The following DCC variants were observed in gnomAD, a reference collection of about 807,000 sequenced individuals.
The protein encoded by DCC is DCC netrin 1 receptor, also known as netrin receptor DCC.
In DCC, 58 loss-of-function variants were observed where a neutral mutation model predicts 172.5. That is an observed-to-expected ratio of 0.34 (90% CI 0.27 to 0.42). The LOEUF is 0.42. Among genes scored for constraint, DCC ranks in the 10% least tolerant of loss-of-function variants. The pLI, the probability that DCC is intolerant of heterozygous loss-of-function variation, is 1.00. For synonymous variants in DCC, 709 were observed against 644.5 expected (o/e 1.10, Z -1.52); for missense variants, 1,740 against 1,791.0 (o/e 0.97, Z 0.51).
intron 2 of DCC, among the ~76,000 whole-genome samples, chr18:52,812,765 T>C (rs1194736893): frequency 6.6e-6 from 1 of 152,238 alleles, no homozygotes; most frequent in Non-Finnish European, 1.5e-5. Flanking sequence ...CATTATGTAC[T>C]TGCTGCTCAT....
chr18:53,356,612 C>A (rs1394883643), intron 15 of DCC, among the ~76,000 whole-genome samples: 1 of 152,124 alleles, frequency 6.6e-6, no homozygotes, highest in Non-Finnish European at 1.5e-5. Context: ...GGATGGAGTC[C>A]TGACTCAGCA....
intron 11 of DCC, among the ~76,000 whole-genome samples, chr18:53,210,802 T>C (rs1004995874): frequency 1.3e-5 from 2 of 152,116 alleles, no homozygotes; most frequent in African/African-American, 4.8e-5. Flanking sequence ...TACTTTATGT[T>C]TTTTTTTCCC....
At chr18:53,357,724 G>A (rs1236689311) in intron 15 of DCC, among the ~76,000 whole-genome samples, 1 of 152,168 alleles carries the variant, frequency 6.6e-6, no homozygotes, top group Non-Finnish European at 1.5e-5. Context: ...AAATTAGAAA[G>A]GAGGGTAGAT....
chr18:52,550,464 C>T (rs1489663917), intron 1 of DCC, among the ~76,000 whole-genome samples: 1 of 152,036 alleles, frequency 6.6e-6, no homozygotes, highest in Non-Finnish European at 1.5e-5. Context: ...TCTCACTTGG[C>T]ATTCTTTGTT....
intron 2 of DCC, among the ~76,000 whole-genome samples, chr18:52,898,081 C>G (rs746053049): frequency 1.3e-5 from 2 of 152,192 alleles, no homozygotes; most frequent in East Asian, 1.9e-4. Context: ...AGGGATGTAA[C>G]CTTCAGGCTT....
intron 2 of DCC, among the ~76,000 whole-genome samples, chr18:52,801,893 G>A (rs1401719410): frequency 1.3e-5 from 2 of 152,138 alleles, no homozygotes; most frequent in East Asian, 1.9e-4. Flanking sequence ...CTATGTGCTT[G>A]TCTGTTCAAA....
chr18:53,287,987 CA>C (rs1373611848), intron 12 of DCC, among the ~76,000 whole-genome samples: 1 of 152,050 alleles, frequency 6.6e-6, no homozygotes, highest in African/African-American at 2.4e-5. Flanking sequence ...AGCATGTACG[CA>C]ATCCTAATAT....
rs781658253 is a variant in DCC at position 52,925,276 on chromosome 18, C to T, written c.891C>T (p.Ile297=). Residue 297 remains isoleucine (I), a synonymous_variant, in exon 5 of 29, where the codon ATC becomes ATT. Coordinates refer to ENST00000442544, the MANE Select transcript of DCC (RefSeq NM_005215.4). ...YSLLGGSNLL[I]SNVTDDDSGM... ...TATTGGGTGGAAGCAACTTGCTTAT[C>T]TCCAATGTGACAGATGATGACAGTG... is the stretch of plus-strand genomic sequence containing the variant. 8.7e-6 allele frequency: 14 copies of T among 1,612,368 alleles called. No individual in the cohort carries two copies. The highest frequency in any genetic ancestry group is 1.2e-5 in the Non-Finnish European group (14 of 1,178,784).
intron 15 of DCC, among the ~76,000 whole-genome samples, chr18:53,353,378 A>G (rs1241698213): frequency 6.6e-6 from 1 of 151,358 alleles, no homozygotes; most frequent in East Asian, 1.9e-4. Context: ...AGAAAATGCT[A>G]AAGCTATTTC....
rs190220157 is a variant in DCC, at chr18:52,926,243, G to T, written c.985+873G>T. ...ATCATATGCTGATTATATTTGCTAAGTTATACCATGATATTATTCCATCCA... is the reference window on the plus strand; with the variant it reads ...ATCATATGCTGATTATATTTGCTAATTTATACCATGATATTATTCCATCCA... On this transcript the variant is annotated intron_variant, in intron 5 of 28. Coordinates refer to ENST00000442544, the MANE Select transcript of DCC (RefSeq NM_005215.4). 9.2e-5 allele frequency among the ~76,000 whole-genome samples: 14 copies of T among 152,006 alleles called. No individual in the cohort carries two copies. The East Asian group carries it at 2.7e-3, about 29-fold the overall frequency.
intron 1 of DCC, among the ~76,000 whole-genome samples, chr18:52,735,157 T>A (rs1361889746): frequency 6.6e-6 from 1 of 152,082 alleles, no homozygotes; most frequent in Non-Finnish European, 1.5e-5. Context: ...ACACTCAGGG[T>A]CTTCTGATTT....
At chr18:53,106,845 A>T (rs2043255756) in intron 7 of DCC, among the ~76,000 whole-genome samples, 1 of 151,996 alleles carries the variant, frequency 6.6e-6, no homozygotes, top group Non-Finnish European at 1.5e-5. Flanking sequence ...GCAAAAAATC[A>T]TGGGGTAGAT....
At chr18:52,738,284 G>A (rs2036759275) in intron 1 of DCC, among the ~76,000 whole-genome samples, 1 of 152,122 alleles carries the variant, frequency 6.6e-6, no homozygotes, top group Admixed American at 6.5e-5. Flanking sequence ...TTGTCATTGT[G>A]CAAACATCAT....
At position 53,267,686 on chromosome 18, in the gene DCC, G is replaced by A. The variant is rs773015183; in HGVS notation, c.1912-37892G>A. Among the ~76,000 whole-genome samples the A allele has an allele frequency of 1.1e-4, 16 of 151,980 alleles. 1 individual carries two copies. Among genetic ancestry groups the A allele is most frequent in the South Asian group, 8.3e-4 (4 of 4,808 alleles). On this transcript the variant is annotated intron_variant, in intron 12 of 28. Coordinates refer to ENST00000442544, the MANE Select transcript of DCC (RefSeq NM_005215.4). Reference sequence around the variant, plus strand: ...ACACCATCATGCCCAGGCTAGCCTCGAACTTCTGGGCTCAAGCAATCCTCC... The same window carrying A: ...ACACCATCATGCCCAGGCTAGCCTCAAACTTCTGGGCTCAAGCAATCCTCC...
At chr18:52,543,150 T>C (rs1568220814) in intron 1 of DCC, among the ~76,000 whole-genome samples, 2 of 152,142 alleles carry the variant, frequency 1.3e-5, no homozygotes, top group South Asian at 2.1e-4. Context: ...TGCTGCCAAA[T>C]AGAAAATAAG....
intron 13 of DCC, among the ~76,000 whole-genome samples, chr18:53,308,260 T>C (rs2057226065): frequency 6.6e-6 from 1 of 151,956 alleles, no homozygotes; most frequent in African/African-American, 2.4e-5. Context: ...AAATTATGAT[T>C]ATTTAAAACA....
intron 1 of DCC, among the ~76,000 whole-genome samples, chr18:52,476,675 G>T (rs1364426776): frequency 6.6e-6 from 1 of 152,132 alleles, no homozygotes; most frequent in Non-Finnish European, 1.5e-5. Context: ...GTTCTAAGGA[G>T]CTGTGTATGA....
chr18:53,091,408 A>G (rs1055256638), intron 7 of DCC, among the ~76,000 whole-genome samples: 1 of 148,806 alleles, frequency 6.7e-6, no homozygotes, highest in Non-Finnish European at 1.5e-5. Context: ...ATATATATGT[A>G]TATATACACA....
intron 7 of DCC, among the ~76,000 whole-genome samples, chr18:53,131,984 T>A (rs932954439): frequency 1.8e-4 from 20 of 112,448 alleles, no homozygotes; most frequent in African/African-American, 4.5e-4. Context: ...TTTTTTTTTT[T>A]AGCTATATTA....
Sources: allele counts gnomAD v4.1 joint callset (sites outside exome capture counted in the v4.1 genomes callset), GRCh38; gene constraint gnomAD v4.1.1; transcripts MANE v1.5; gene names NCBI Gene and HGNC (gene_info 2026-07-23, HGNC 2026-07-21).